Variants in NKIRAS1 observed in about 807,000 individuals in gnomAD.
NKIRAS1 encodes NFKB inhibitor interacting Ras like 1, also known as NF-kappa-B inhibitor-interacting Ras-like protein 1.
In NKIRAS1, 16 loss-of-function variants were observed where a neutral mutation model predicts 19.8. That is an observed-to-expected ratio of 0.81 (90% CI 0.55 to 1.23). The LOEUF (loss-of-function observed/expected upper bound fraction) is 1.23. Among genes scored for constraint, NKIRAS1 ranks in the 50% most tolerant of loss-of-function variants. NKIRAS1 has a pLI of 0.00. For synonymous variants in NKIRAS1, 88 were observed against 79.0 expected, an observed-to-expected ratio of 1.11 and a Z score of -0.61; for missense variants, 184 against 220.0, an observed-to-expected ratio of 0.84 and a Z score of 1.04.
chr3:23,915,300 G>A (rs1216245966), intron 1 of NKIRAS1, among the ~76,000 whole-genome samples: 1 of 152,098 alleles, frequency 6.6e-6, no homozygotes, highest in African/African-American at 2.4e-5. Context: ...GCTTCATAAG[G>A]TGGAAAAGCC....
chr3:23,890,089 G>A lies in NKIRAS1; in HGVS notation c.*3006C>T, dbSNP rs1298257793. Among the ~76,000 whole-genome samples the A allele has an allele frequency of 6.6e-6, 1 of 152,134 alleles. No homozygotes were observed. The highest frequency in any genetic ancestry group is 1.5e-5 in the Non-Finnish European group (1 of 68,024). ...AGGTTAATAGTGTTGCACTGCAACA[G>A]CCCCGAAGACTTCACAGTATTCACA... On this transcript the variant is annotated 3_prime_UTR_variant, in exon 5 of 5. Coordinates refer to ENST00000425478, the MANE Select transcript of NKIRAS1 (RefSeq NM_020345.4).
rs1701465251 is a variant in NKIRAS1, at chr3:23,891,506, T to C, written c.*1589A>G. Among the ~76,000 whole-genome samples, 1 of 152,244 alleles carries C rather than the reference T, an allele frequency of 6.6e-6. No homozygotes were observed. The highest frequency in any genetic ancestry group is 1.5e-5 in the Non-Finnish European group (1 of 68,042). On this transcript the variant is annotated 3_prime_UTR_variant, in exon 5 of 5. Transcript: ENST00000425478. Reference sequence around the variant, plus strand: ...GTATCCTAGAAAAGGTTAAATAATCTACCCCATTTAGGCTTCAAAGACGAA... The same window carrying C: ...GTATCCTAGAAAAGGTTAAATAATCCACCCCATTTAGGCTTCAAAGACGAA...
chr3:23,900,903 C>G lies in NKIRAS1; in HGVS notation c.241G>C (p.Gly81Arg). 4.3e-6 allele frequency: 7 copies of G among 1,614,102 alleles called. No homozygotes were observed. Among genetic ancestry groups the G allele is most frequent in the Non-Finnish European group, 5.9e-6 (7 of 1,179,996 alleles). The change falls in exon 4 of 5, where the codon GGC (glycine) becomes CGC (arginine). Residue 81 changes from glycine (G) to arginine (R), a missense_variant. Gly to Arg is a moderately radical substitution (Grantham distance 125, BLOSUM62 -2). Coordinates refer to ENST00000425478, the MANE Select transcript of NKIRAS1 (RefSeq NM_020345.4). ...LPKHYFSFAD[G>R]FVLVYSVNNL... ...TTCACACTGTACACAAGAACGAAGC[C>G]ATCAGCAAATGAAAAATAATGCTTT...
At chr3:23,945,043 T>C (rs893514897) in intron 1 of NKIRAS1, among the ~76,000 whole-genome samples, 2 of 149,434 alleles carry the variant, frequency 1.3e-5, no homozygotes, top group African/African-American at 5.0e-5. Flanking sequence ...GGGAGGAATA[T>C]GCGGCGGAGG....
At chr3:23,908,766 T>G (rs532675578) in intron 3 of NKIRAS1, among the ~76,000 whole-genome samples, 2 of 152,270 alleles carry the variant, frequency 1.3e-5, no homozygotes, top group Admixed American at 6.5e-5. Context: ...ACCTCCCATG[T>G]GATTCTCCCA....
intron 1 of NKIRAS1, among the ~76,000 whole-genome samples, chr3:23,940,226 G>T (rs1705469828): frequency 1.3e-5 from 2 of 150,924 alleles, no homozygotes; most frequent in Non-Finnish European, 2.9e-5. Context: ...ACACACCTGT[G>T]GTCCTAGCTA....
rs559852746 is a variant in NKIRAS1 at position 23,916,783 on chromosome 3, C to T, written c.-140+1G>A. On this transcript the variant is annotated splice_donor_variant, in intron 1 of 4. Transcript: ENST00000425478. LOFTEE classifies it low-confidence loss of function (5UTR_SPLICE). ...GAGAGCCCGCGGTGCGTGAAACAAA[C>T]CTGTTCTCTCCTCAGACCTCAAAGA... is the stretch of plus-strand genomic sequence containing the variant. 6.5e-6 allele frequency: 1 copy of T among 152,904 alleles called. No homozygotes were observed. Among genetic ancestry groups the T allele is most frequent in the African/African-American group, 2.4e-5 (1 of 41,602 alleles). The allele number at this position is 152,904 out of a possible 1,614,324, so 9.5% of individuals were successfully genotyped here.
chr3:23,911,611 T>G (rs1247079159), intron 1 of NKIRAS1, among the ~76,000 whole-genome samples, 161 bp from the exon 2 acceptor site: 1 of 152,158 alleles, frequency 6.6e-6, no homozygotes, highest in Non-Finnish European at 1.5e-5. Flanking sequence ...TACTCATCAA[T>G]ATTTACCTGG....
intron 1 of NKIRAS1, among the ~76,000 whole-genome samples, chr3:23,942,119 C>T (rs1015202161): frequency 1.3e-5 from 2 of 152,076 alleles, no homozygotes; most frequent in Non-Finnish European, 2.9e-5. Context: ...GCTAGGATTA[C>T]AGGTGTGTGC....
At chr3:23,896,889 T>G (rs959431690) in intron 4 of NKIRAS1, among the ~76,000 whole-genome samples, 2 of 150,706 alleles carry the variant, frequency 1.3e-5, no homozygotes, top group African/African-American at 2.4e-5. Flanking sequence ...AGGTACAGGA[T>G]AGTATGCCAC....
At position 23,896,972 on chromosome 3, in the gene NKIRAS1, G is replaced by A. The variant is rs560543671; in HGVS notation, c.337-3635C>T. ...CATAATCCCAGCACTTTGGGAGGCC[G>A]AGGCAGGAGGATCACTTGAAGCCAG... On this transcript the variant is annotated intron_variant, in intron 4 of 4. Transcript: ENST00000425478. 2.0e-3 allele frequency among the ~76,000 whole-genome samples: 312 copies of A among 152,248 alleles called. 2 individuals carry two copies. The highest frequency in any genetic ancestry group is 3.7e-3 in the Admixed American group (57 of 15,290).
chr3:23,912,073 G>T (rs555741186), intron 1 of NKIRAS1, among the ~76,000 whole-genome samples: 1 of 152,134 alleles, frequency 6.6e-6, no homozygotes, highest in Non-Finnish European at 1.5e-5. Flanking sequence ...TGTCACGTGG[G>T]CTTTCTTAAT....
chr3:23,896,623 G>T (rs1387727174), intron 4 of NKIRAS1, among the ~76,000 whole-genome samples: 1 of 150,958 alleles, frequency 6.6e-6, no homozygotes, highest in Non-Finnish European at 1.5e-5. Context: ...AAAAAACAAG[G>T]ATGATACATC....
chr3:23,921,909 A>G (rs1705101444), upstream of NKIRAS1: 1 of 367,988 alleles, frequency 2.7e-6, no homozygotes, highest in African/African-American at 2.2e-5. Flanking sequence ...GGATCTCACT[A>G]TGTTGCCCAG....
intron 3 of NKIRAS1, among the ~76,000 whole-genome samples, chr3:23,907,922 G>T (rs1055032766): frequency 6.6e-5 from 10 of 152,056 alleles, no homozygotes; most frequent in Non-Finnish European, 1.2e-4. Flanking sequence ...TTAAAAAGAA[G>T]AAATGACAGA....
rs1182185514 is a variant in NKIRAS1 at position 23,926,499 on chromosome 3, CTCTTCT to C, written c.-139-15055_-139-15050del. On this transcript the variant is annotated intron_variant, in intron 1 of 4. Coordinates refer to the NKIRAS1 transcript ENST00000421515. The surrounding 1 kb of genome is among the most constrained non-coding windows in gnomAD (Gnocchi z 4.3). ...CTTTCTCTCCTTCTCTTTCCTCTTCCTCTTCTTCCTCTTCTTTTTTTTTGTGTCATT... is the reference window on the plus strand; with the variant it reads ...CTTTCTCTCCTTCTCTTTCCTCTTCCTCCTCTTCTTTTTTTTTGTGTCATT... Among the ~76,000 whole-genome samples, 1 of 151,276 alleles carries C rather than the reference CTCTTCT, an allele frequency of 6.6e-6. No homozygotes were observed. The highest frequency in any genetic ancestry group is 1.5e-5 in the Non-Finnish European group (1 of 67,832).
chr3:23,892,995 T>C lies in NKIRAS1; in HGVS notation c.*100A>G. ...TAGGAATTTTCCTAAGGACCAAAGG[T>C]AGATACAAATGGCCTATTTTAAATA... On this transcript the variant is annotated 3_prime_UTR_variant, in exon 5 of 5. Transcript: ENST00000425478. The C allele has an allele frequency of 1.6e-6, 2 of 1,263,282 alleles. No homozygotes were observed. Among genetic ancestry groups the C allele is most frequent in the Non-Finnish European group, 2.1e-6 (2 of 942,322 alleles). 78.3% of individuals were successfully genotyped at this position (1,263,282 alleles called of 1,614,324 possible).
At chr3:23,937,347 A>AAAAAAGAAAAG (rs1559516994) in intron 1 of NKIRAS1, among the ~76,000 whole-genome samples, 2 of 152,152 alleles carry the variant, frequency 1.3e-5, no homozygotes, top group African/African-American at 4.8e-5. Context: ...AAGAAAAAGA[A>AAAAAAGAAAAG]AAAAAGAAAA....
intron 1 of NKIRAS1, chr3:23,945,554 C>A (rs1705635567): frequency 2.6e-6 from 3 of 1,156,044 alleles, no homozygotes; most frequent in Non-Finnish European, 2.1e-6. Flanking sequence ...AAGCGGGCGG[C>A]CCCGGCCGCC....
Sources: gnomAD v4.1 joint callset for allele counts (sites outside exome capture counted in the v4.1 genomes callset) on GRCh38, gnomAD v4.1.1 for gene constraint, Gnocchi (gnomAD v3.1) non-coding constraint, MANE v1.5 for transcripts, NCBI Gene and HGNC (gene_info 2026-07-23, HGNC 2026-07-21) for gene names.